The following PLXNA4 variants were observed in gnomAD, a reference collection of about 807,000 sequenced individuals.
The protein encoded by PLXNA4 is plexin-A4.
Under a neutral mutation model 191.8 loss-of-function variants are expected in PLXNA4, and 44 were observed. The ratio of observed to expected loss-of-function variants is 0.23; its 90% CI spans 0.18 to 0.29. PLXNA4 has a LOEUF of 0.29. Ranked by LOEUF, PLXNA4 falls within the 10% of genes least tolerant of loss-of-function variation. The probability of loss-of-function intolerance (pLI) is 1.00; values close to 1 mark genes in which losing one functional copy is unlikely to be tolerated. For missense variants in PLXNA4, 1,800 were observed against 2,488.8 expected, an observed-to-expected ratio of 0.72 and a Z score of 5.89; for synonymous variants, 1,082 against 1,009.5, an observed-to-expected ratio of 1.07 and a Z score of -1.36.
At chr7:132,202,861 A>G in intron 11 of PLXNA4, 25 bp from the exon 12 acceptor site, 1 of 1,521,482 alleles carries the variant, frequency 6.6e-7, no homozygotes, top group Non-Finnish European at 8.8e-7. Flanking sequence ...GGCAAGGACA[A>G]GGGGTGCTTG....
intron 2 of PLXNA4, among the ~76,000 whole-genome samples, chr7:132,595,136 T>C (rs1802685598): frequency 6.6e-6 from 1 of 152,076 alleles, no homozygotes; most frequent in African/African-American, 2.4e-5. Flanking sequence ...AGTTCCACAG[T>C]GAACCCAACC....
chr7:132,423,205 G>A (rs1794912070), intron 3 of PLXNA4, among the ~76,000 whole-genome samples: 1 of 152,238 alleles, frequency 6.6e-6, no homozygotes, highest in Non-Finnish European at 1.5e-5. Flanking sequence ...GCACTGTGCT[G>A]GGTACTTTGC....
At chr7:132,496,673 T>G (rs368776770) in intron 2 of PLXNA4, among the ~76,000 whole-genome samples, 1 of 152,282 alleles carries the variant, frequency 6.6e-6, no homozygotes, top group African/African-American at 2.4e-5. Flanking sequence ...ATGCTGAGAT[T>G]ATAGGCATGA....
chr7:132,160,065 C>T (rs1361972681), intron 24 of PLXNA4, among the ~76,000 whole-genome samples: 1 of 152,158 alleles, frequency 6.6e-6, no homozygotes, highest in Non-Finnish European at 1.5e-5. Flanking sequence ...ACTTCTGAAA[C>T]CCCCTGCCCA....
At chr7:132,154,812 G>A (rs1795746235) in intron 25 of PLXNA4, among the ~76,000 whole-genome samples, 1 of 152,198 alleles carries the variant, frequency 6.6e-6, no homozygotes, top group Admixed American at 6.5e-5. Flanking sequence ...TCTCGCAGCA[G>A]CTCTGCCCGG....
Position 132,555,056 on chromosome 7 carries a change from A to ACAAAAAAAAAAAAC in PLXNA4, c.-87+21365_-87+21366insGTTTTTTTTTTTTG, listed in dbSNP as rs1554467878. Among the ~76,000 whole-genome samples, 228 of 150,414 alleles carry ACAAAAAAAAAAAAC rather than the reference A, an allele frequency of 1.5e-3. 1 individual carries two copies. The highest frequency in any genetic ancestry group is 5.4e-3 in the African/African-American group (218 of 40,330). ...TGGTAAACCTGAAGGAAAAAAAAAA[A>ACAAAAAAAAAAAAC]CAAAAAAAAAACAGTAACCATCACC... On this transcript the variant is annotated intron_variant, in intron 1 of 31. Coordinates refer to ENST00000321063, the MANE Select transcript of PLXNA4 (RefSeq NM_020911.2).
intron 3 of PLXNA4, among the ~76,000 whole-genome samples, chr7:132,317,347 ATTGGG>A (rs901119992): frequency 5.5e-5 from 8 of 145,438 alleles, no homozygotes; most frequent in African/African-American, 2.1e-4. Flanking sequence ...GTTGGACTGG[ATTGGG>A]TTGGGTTGTG....
chr7:132,526,475 G>C (rs1321890957), intron 1 of PLXNA4, among the ~76,000 whole-genome samples: 1 of 152,190 alleles, frequency 6.6e-6, no homozygotes, highest in Non-Finnish European at 1.5e-5. Flanking sequence ...GGAACAAAGT[G>C]TAGGTTTCAG....
At chr7:132,229,772 C>T (rs79130260) in intron 5 of PLXNA4, among the ~76,000 whole-genome samples, 15 of 151,882 alleles carry the variant, frequency 9.9e-5, no homozygotes, top group African/African-American at 3.4e-4. Flanking sequence ...GGAGAGGGAA[C>T]GACTGTCTCA....
At chr7:132,529,841 G>A (rs992585678) in intron 1 of PLXNA4, among the ~76,000 whole-genome samples, 113 of 152,234 alleles carry the variant, frequency 7.4e-4, no homozygotes, top group African/African-American at 2.5e-3. Context: ...TCCAGACCTC[G>A]TGATCCGCCT....
chr7:132,188,266 C>A (rs1796944841), intron 14 of PLXNA4, among the ~76,000 whole-genome samples: 1 of 152,176 alleles, frequency 6.6e-6, no homozygotes, highest in Admixed American at 6.5e-5. Flanking sequence ...AGTGAGGAGT[C>A]CAGGTTGGGG....
chr7:132,178,731 CTTGTAAATG>C (rs1375371369), intron 20 of PLXNA4, among the ~76,000 whole-genome samples: 10 of 120,280 alleles, frequency 8.3e-5, no homozygotes, highest in African/African-American at 2.8e-4. Context: ...CACACACACA[CTTGTAAATG>C]AAACACATAC....
intron 3 of PLXNA4, among the ~76,000 whole-genome samples, chr7:132,314,644 C>T (rs984967644): frequency 6.6e-6 from 1 of 152,130 alleles, no homozygotes; most frequent in Non-Finnish European, 1.5e-5. Flanking sequence ...CTCTGGGGTT[C>T]CAAAAGAGGT....
intron 2 of PLXNA4, among the ~76,000 whole-genome samples, chr7:132,582,385 C>G (rs999643979): frequency 6.6e-6 from 1 of 152,162 alleles, no homozygotes; most frequent in Non-Finnish European, 1.5e-5. Flanking sequence ...ACTGTGGTTG[C>G]CAGCCTCCAA....
At chr7:132,171,002 C>G (rs902315284) in intron 21 of PLXNA4, among the ~76,000 whole-genome samples, 13 of 152,190 alleles carry the variant, frequency 8.5e-5, no homozygotes, top group African/African-American at 2.2e-4. Context: ...CTGCCTCCCC[C>G]AGTTCTCCCC....
chr7:132,132,497 T>TTCTTTTCTA lies in PLXNA4; in HGVS notation c.5589+551_5589+552insTAGAAAAGA, dbSNP rs367658994. Reference sequence around the variant, plus strand: ...GCTCTGCTCTGCTCTGCTCTATTCTTTTCTATTCTATTCTATTCTATTCTA... The same window carrying TTCTTTTCTA: ...GCTCTGCTCTGCTCTGCTCTATTCTTTCTTTTCTATTCTATTCTATTCTATTCTATTCTA... On this transcript the variant is annotated intron_variant, in intron 31 of 31. Transcript: ENST00000321063. Among the ~76,000 whole-genome samples the TTCTTTTCTA allele has an allele frequency of 3.6e-5, 4 of 111,886 alleles. 1 individual carries two copies. The highest frequency in any genetic ancestry group is 7.5e-5 in the African/African-American group (2 of 26,500). The allele number at this position is 111,886 out of a possible 152,430, so 73.4% of individuals were successfully genotyped here. A position where few individuals can be genotyped will look rare whatever the true frequency, so the allele number is the denominator to read the frequency against.
rs757308744 is a variant in PLXNA4 at position 132,164,256 on chromosome 7, G to A, written c.4386C>T (p.Phe1462=). 6.2e-7 allele frequency: 1 copy of A among 1,614,210 alleles called. No individual in the cohort carries two copies. Among genetic ancestry groups the A allele is most frequent in the South Asian group, 1.1e-5 (1 of 91,086 alleles). ...ECAGEPLFSL[F]CAIKQQMEKG... is the part of the protein sequence containing the mutation. ...TCTCCATCTGCTGCTTGATGGCACA[G>A]AACAGGGAGAAGAGGGGCTCCCCAG... is the stretch of plus-strand genomic sequence containing the variant. Residue 1462 remains phenylalanine, a synonymous_variant, in exon 24 of 32, where the codon TTC becomes TTT. Transcript: ENST00000321063.
At chr7:132,422,891 C>A (rs767684299) in intron 3 of PLXNA4, among the ~76,000 whole-genome samples, 1 of 152,208 alleles carries the variant, frequency 6.6e-6, no homozygotes, top group East Asian at 1.9e-4. Flanking sequence ...GCTGGCCTAG[C>A]ACCTCGGGAA....
intron 1 of PLXNA4, among the ~76,000 whole-genome samples, chr7:132,566,795 G>A (rs1399551162): frequency 6.6e-6 from 1 of 152,158 alleles, no homozygotes; most frequent in African/African-American, 2.4e-5. Flanking sequence ...CAGATCACAA[G>A]GCCACTGTCG....
Sources: allele counts gnomAD v4.1 joint callset (sites outside exome capture counted in the v4.1 genomes callset), GRCh38; gene constraint gnomAD v4.1.1; transcripts MANE v1.5; gene names NCBI Gene and HGNC (gene_info 2026-07-23, HGNC 2026-07-21).